Variants in FAM234A observed in about 807,000 individuals in gnomAD.
The protein encoded by FAM234A is protein FAM234A.
A neutral mutation model predicts 49.1 loss-of-function variants in FAM234A; 42 were observed. That is an observed-to-expected ratio of 0.86 (90% CI 0.67 to 1.11). FAM234A has a LOEUF of 1.11. FAM234A is among the 50% of genes least tolerant of loss of function. The pLI, the probability that FAM234A is intolerant of heterozygous loss-of-function variation, is 0.00. For missense variants in FAM234A, 815 were observed against 745.2 expected, an observed-to-expected ratio of 1.09 and a Z score of -1.09; for synonymous variants, 369 against 316.2, an observed-to-expected ratio of 1.17 and a Z score of -1.77.
At position 262,221 on chromosome 16, in the gene FAM234A, C is replaced by T. The variant is rs1427601865; in HGVS notation, c.837C>T (p.Pro279=). Residue 279 remains proline, a synonymous_variant, in exon 7 of 13, where the codon CCC becomes CCT. Transcript: ENST00000399932. The part of the protein sequence containing the change: ...TRTGAHYILF[P]CASSLCGCSV... ...CAGGTGCCCACTACATCCTCTTTCC[C>T]TGCGGTACGTTGTTTCTGCCACATC... is the stretch of plus-strand genomic sequence containing the variant. 3 of 1,613,796 alleles carry T rather than the reference C, an allele frequency of 1.9e-6. No homozygotes were observed. Among genetic ancestry groups the T allele is most frequent in the Non-Finnish European group, 2.5e-6 (3 of 1,179,970 alleles).
intron 5 of FAM234A, 39 bp downstream of exon 5, chr16:260,199 C>T (rs773977154): frequency 3.2e-6 from 5 of 1,583,626 alleles, no homozygotes; most frequent in Middle Eastern, 3.9e-4. Flanking sequence ...CTGAGGGCCT[C>T]TCACCTGAGC....
downstream of FAM234A, chr16:268,583 G>A (rs1033429479): frequency 3.6e-5 from 22 of 618,158 alleles, no homozygotes; most frequent in African/African-American, 7.4e-5. Flanking sequence ...ATCGGGCCTC[G>A]TCAGTGGGGT....
chr16:237,059 A>G (rs987767150), intron 1 of FAM234A, among the ~76,000 whole-genome samples: 2 of 148,836 alleles, frequency 1.3e-5, no homozygotes, highest in Non-Finnish European at 1.5e-5. Flanking sequence ...CAGCCTGTTT[A>G]TTTATTTATG....
chr16:266,203 C>T, downstream of FAM234A: 1 of 728,446 alleles, frequency 1.4e-6, no homozygotes, highest in Non-Finnish European at 1.7e-6. Flanking sequence ...AATTTGCTGG[C>T]CAGCCTGGGT....
chr16:251,180 A>C (rs2050989866), intron 2 of FAM234A, among the ~76,000 whole-genome samples: 1 of 152,028 alleles, frequency 6.6e-6, no homozygotes, highest in African/African-American at 2.4e-5. Flanking sequence ...CTGGTCTCGA[A>C]CGCCTGACCT....
In FAM234A at chr16:262,100, G is replaced by T; in HGVS notation, c.716G>T (p.Gly239Val). Residue 239 changes from glycine (G) to valine (V), a missense_variant, in exon 7 of 13, where the codon GGC becomes GTC. Transcript: ENST00000399932. ...CATCCTGTGTCATTGCAGGTTAGTG[G>T]CCACCTCTACTCCGGCAGCACCGGG... Reference protein sequence around the residue: ...VLTQEREEVSGHLYSGSTGHQ... With the variant: ...VLTQEREEVSVHLYSGSTGHQ... 1 of 1,613,858 alleles carries T rather than the reference G, an allele frequency of 6.2e-7. No homozygotes were observed. Among genetic ancestry groups the T allele is most frequent in the Non-Finnish European group, 8.5e-7 (1 of 1,179,936 alleles).
At position 239,076 on chromosome 16, in the gene FAM234A, C is replaced by T. The variant is rs139623063; in HGVS notation, c.-140+4219C>T. On this transcript the variant is annotated intron_variant, in intron 1 of 12. Coordinates refer to ENST00000399932, the MANE Select transcript of FAM234A (RefSeq NM_032039.4). The stretch of plus-strand genomic sequence containing the variant: ...CAGCCTGGGCGACAGAGCGAGCCTA[C>T]GTCTCAAAAATAAAAAAAAAATACC... Among the ~76,000 whole-genome samples, 1,052 of 142,174 alleles carry T rather than the reference C, an allele frequency of 7.4e-3. 10 individuals carry two copies. The highest frequency in any genetic ancestry group is 0.026 in the South Asian group (114 of 4,366). 93.3% of individuals were successfully genotyped at this position (142,174 alleles called of 152,430 possible).
At chr16:246,606 A>G (rs1350284197) in intron 1 of FAM234A, among the ~76,000 whole-genome samples, 1 of 149,618 alleles carries the variant, frequency 6.7e-6, no homozygotes, top group African/African-American at 2.5e-5. Context: ...TTTTTAGTAG[A>G]GATGGGGTTT....
At chr16:268,129 GCACA>G (rs748636756), downstream of FAM234A, among the ~76,000 whole-genome samples, 495 of 115,662 alleles carry the variant, frequency 4.3e-3, 3 homozygotes, top group African/African-American at 0.02. Flanking sequence ...CACGACACGT[GCACA>G]CACACACCAC....
intron 1 of FAM234A, among the ~76,000 whole-genome samples, chr16:238,633 A>G (rs978279592): frequency 1.1e-4 from 17 of 151,370 alleles, no homozygotes; most frequent in Admixed American, 2.0e-4. Context: ...AGGCGTGGTG[A>G]CGGGTGCCTG....
At position 264,920 on chromosome 16, in the gene FAM234A, T is replaced by C. The variant is rs2051637655; in HGVS notation, c.1557T>C (p.Leu519=). The C allele has an allele frequency of 6.2e-7, 1 of 1,612,906 alleles. No homozygotes were observed. The highest frequency in any genetic ancestry group is 8.5e-7 in the Non-Finnish European group (1 of 1,179,884). ...TGATCAAGCACAAGGTGCGGGACCT[T>C]GTCCCAAGCAGCAGGGTGGTCCGCC... The part of the protein sequence containing the change: ...VSVIKHKVRD[L]VPSSRVVRLG... Residue 519 remains leucine (L), a synonymous_variant, in exon 13 of 13, where the codon CTT becomes CTC. Transcript: ENST00000399932.
At chr16:238,778 A>G (rs1242543540) in intron 1 of FAM234A, among the ~76,000 whole-genome samples, 3 of 142,984 alleles carry the variant, frequency 2.1e-5, no homozygotes, top group Admixed American at 7.0e-5. Flanking sequence ...AAAAAAAAAA[A>G]AAAAAAAAGA....
chr16:254,102 G>C (rs768365811), intron 2 of FAM234A: 17 of 370,772 alleles, frequency 4.6e-5, no homozygotes, highest in Non-Finnish European at 7.0e-5. Context: ...TCCTGGGTTC[G>C]GCAGGCAGGA....
intron 6 of FAM234A, among the ~76,000 whole-genome samples, chr16:261,828 T>C (rs2051478911): frequency 1.3e-5 from 2 of 152,204 alleles, no homozygotes. Context: ...GCCTGCCTCA[T>C]GTGCCCCGTG....
chr16:237,412 G>A (rs1432164710), intron 1 of FAM234A, among the ~76,000 whole-genome samples: 1 of 152,130 alleles, frequency 6.6e-6, no homozygotes, highest in Non-Finnish European at 1.5e-5. Context: ...GGCTGGGGCT[G>A]CAGGTGTCTA....
chr16:242,850 G>A (rs570550913), intron 1 of FAM234A, among the ~76,000 whole-genome samples: 280 of 152,222 alleles, frequency 1.8e-3, no homozygotes, highest in Non-Finnish European at 3.0e-3. Flanking sequence ...CTGACCTTGC[G>A]ATCCACCCAC....
chr16:244,130 G>A (rs559562582), intron 1 of FAM234A, among the ~76,000 whole-genome samples: 17 of 152,094 alleles, frequency 1.1e-4, no homozygotes, highest in African/African-American at 3.1e-4. Flanking sequence ...CACCACGCCC[G>A]GCTAATTTTT....
intron 9 of FAM234A, 101 bp downstream of exon 9, chr16:263,503 G>A (rs1388546622): frequency 2.2e-5 from 33 of 1,500,166 alleles, no homozygotes; most frequent in South Asian, 1.3e-4. Context: ...GGGTGGGGCC[G>A]GAGGCCGTGT....
intron 10 of FAM234A, 34 bp downstream of exon 10, chr16:263,809 G>T (rs764104425): frequency 6.4e-7 from 1 of 1,559,628 alleles, no homozygotes; most frequent in South Asian, 1.1e-5. Context: ...TGGCACCTTT[G>T]TTCTTAGCTG....
Sources: allele counts gnomAD v4.1 joint callset (sites outside exome capture counted in the v4.1 genomes callset), GRCh38; gene constraint gnomAD v4.1.1; transcripts MANE v1.5; gene names NCBI Gene and HGNC (gene_info 2026-07-23, HGNC 2026-07-21).